Variants in AKNA observed in about 807,000 individuals in gnomAD.
AKNA encodes AT-hook transcription factor.
Under a neutral mutation model 138.8 loss-of-function variants are expected in AKNA, and 67 were observed. The ratio of observed to expected loss-of-function variants is 0.48; its 90% confidence interval spans 0.40 to 0.59. AKNA has a LOEUF of 0.59. AKNA is among the 20% of genes least tolerant of loss of function. The pLI, the probability that AKNA is intolerant of heterozygous loss-of-function variation, is 0.00. For synonymous variants in AKNA, 737 were observed against 754.4 expected, an observed-to-expected ratio of 0.98 and a Z score of 0.38; for missense variants, 1,813 against 1,880.4, an observed-to-expected ratio of 0.96 and a Z score of 0.66.
chr9:114,368,204 G>C, intron 5 of AKNA: 1 of 402,278 alleles, frequency 2.5e-6, no homozygotes. Context: ...ACTCACCCAG[G>C]GTCACCAAGA....
intron 19 of AKNA, among the ~76,000 whole-genome samples, chr9:114,343,397 G>T (rs535767130): frequency 6.6e-6 from 1 of 152,270 alleles, no homozygotes; most frequent in East Asian, 1.9e-4. Flanking sequence ...TTGGGGGAAA[G>T]TATGAGGGGT....
chr9:114,396,535 C>G (rs966947012), upstream of AKNA, among the ~76,000 whole-genome samples: 4 of 152,014 alleles, frequency 2.6e-5, no homozygotes, highest in Non-Finnish European at 5.9e-5. Context: ...AAAAATTAGC[C>G]AGGTGTAGTG....
chr9:114,379,075 C>T (rs1365465026), intron 2 of AKNA, among the ~76,000 whole-genome samples: 1 of 152,204 alleles, frequency 6.6e-6, no homozygotes, highest in Non-Finnish European at 1.5e-5. Context: ...CAAAGATCAC[C>T]CAGTGGTTCC....
intron 4 of AKNA, among the ~76,000 whole-genome samples, chr9:114,370,650 G>T (rs946879354): frequency 1.3e-5 from 2 of 152,182 alleles, no homozygotes; most frequent in Admixed American, 1.3e-4. Context: ...CTCCCTTGGG[G>T]GATTCTGTGA....
At chr9:114,366,406 G>C (rs1305288567) in intron 6 of AKNA, among the ~76,000 whole-genome samples, 1 of 152,152 alleles carries the variant, frequency 6.6e-6, no homozygotes, top group Non-Finnish European at 1.5e-5. Context: ...TGAATCTATT[G>C]CTATGAGACA....
chr9:114,346,042 C>T (rs774979098), intron 17 of AKNA, 33 bp from the exon 18 acceptor site: 8 of 1,546,924 alleles, frequency 5.2e-6, no homozygotes, highest in Non-Finnish European at 7.1e-6. Context: ...TCAGAGGGGG[C>T]AAGGGGTGGG....
chr9:114,376,201 CA>C, intron 3 of AKNA: 1 of 354,248 alleles, frequency 2.8e-6, no homozygotes, highest in Non-Finnish European at 5.3e-6. Context: ...CTCCCCACCC[CA>C]CCAGGCTCTA....
intron 1 of AKNA, among the ~76,000 whole-genome samples, chr9:114,393,062 G>A (rs1834408074): frequency 6.6e-6 from 1 of 152,154 alleles, no homozygotes; most frequent in African/African-American, 2.4e-5. Flanking sequence ...CCTATTATGT[G>A]TCAAATACCT....
Position 114,363,366 on chromosome 9 carries a change from C to T in AKNA, c.1789-833G>A, listed in dbSNP as rs1832111428. On this transcript the variant is annotated intron_variant, in intron 7 of 21. Coordinates refer to ENST00000374088, the MANE Select transcript of AKNA (RefSeq NM_001317950.2). ...ACTCTGAGGAGAGACAGAAGCCAAG[C>T]ACAACCTAAAACCCATTCCCTGGTC... is the stretch of plus-strand genomic sequence containing the variant. Among the ~76,000 whole-genome samples the T allele has an allele frequency of 2.0e-5, 3 of 152,250 alleles. No homozygotes were observed. In the South Asian group the frequency reaches 6.2e-4, roughly 32 times the overall value.
chr9:114,360,682 C>T (rs1312397108), intron 9 of AKNA, among the ~76,000 whole-genome samples: 4 of 152,182 alleles, frequency 2.6e-5, no homozygotes, highest in Non-Finnish European at 5.9e-5. Flanking sequence ...CCCTACCCAG[C>T]ATGCCAGGCT....
At chr9:114,369,491 G>A (rs1832606779) in intron 4 of AKNA, among the ~76,000 whole-genome samples, 1 of 152,104 alleles carries the variant, frequency 6.6e-6, no homozygotes, top group Non-Finnish European at 1.5e-5. Context: ...CTTAGCATGT[G>A]GGCTCTGCAG....
At chr9:114,345,591 T>C (rs2131813164) in intron 18 of AKNA, 1 of 356,880 alleles carries the variant, frequency 2.8e-6, no homozygotes, top group Non-Finnish European at 5.1e-6. Context: ...TCTTTAGGAT[T>C]GACCAGCTGA....
chr9:114,331,262 G>A (rs1371350328), downstream of AKNA, among the ~76,000 whole-genome samples: 1 of 152,106 alleles, frequency 6.6e-6, no homozygotes, highest in Non-Finnish European at 1.5e-5. Flanking sequence ...GGATCTGATG[G>A]AGCTGAACTG....
chr9:114,372,964 C>T (rs1447686857), intron 4 of AKNA, among the ~76,000 whole-genome samples: 1 of 26,122 alleles, frequency 3.8e-5, no homozygotes, highest in Admixed American at 5.4e-4. Flanking sequence ...GGGGACGCAG[C>T]GGGGGGGGGG....
At chr9:114,351,090 G>A (rs1831087997) in intron 14 of AKNA, 69 bp from the exon 15 acceptor site, 1 of 1,498,416 alleles carries the variant, frequency 6.7e-7, no homozygotes, top group Non-Finnish European at 9.1e-7. Context: ...CACTTGTGCA[G>A]GTGGAATGAT....
chr9:114,358,485 T>G (rs1831669133), intron 11 of AKNA: 1 of 340,756 alleles, frequency 2.9e-6, no homozygotes, highest in Admixed American at 4.6e-5. Flanking sequence ...TTCCATAAAC[T>G]TCCATCTACT....
upstream of AKNA, among the ~76,000 whole-genome samples, chr9:114,391,140 G>A (rs920659996): frequency 2.0e-5 from 3 of 152,180 alleles, no homozygotes; most frequent in African/African-American, 7.2e-5. Context: ...GGTAAACAGA[G>A]GCCCCTAGAG....
chr9:114,381,489 T>C (rs2132092419), intron 1 of AKNA, 43 bp from the exon 2 acceptor site: 3 of 1,337,128 alleles, frequency 2.2e-6, no homozygotes, highest in Non-Finnish European at 2.9e-6. Flanking sequence ...TCAATCCTGA[T>C]CCCCTCTTTT....
At chr9:114,381,519 C>T in intron 1 of AKNA, 73 bp from the exon 2 acceptor site, 1 of 1,272,294 alleles carries the variant, frequency 7.9e-7, no homozygotes, top group Middle Eastern at 2.1e-4. Flanking sequence ...AAGAAGTTAC[C>T]AGCAGGAACT....
Sources: gnomAD v4.1 joint callset for allele counts (sites outside exome capture counted in the v4.1 genomes callset) on GRCh38, gnomAD v4.1.1 for gene constraint, MANE v1.5 for transcripts, NCBI Gene and HGNC (gene_info 2026-07-23, HGNC 2026-07-21) for gene names.